The following RBFOX3 variants were observed in gnomAD, a reference collection of about 807,000 sequenced individuals.
The protein encoded by RBFOX3 is RNA binding fox-1 homolog 3.
Under a neutral mutation model 48.7 loss-of-function variants are expected in RBFOX3, and 17 were observed. That is an observed-to-expected ratio of 0.35 (90% CI 0.24 to 0.52). The LOEUF (loss-of-function observed/expected upper bound fraction) is 0.52. Among genes scored for constraint, RBFOX3 ranks in the 20% least tolerant of loss-of-function variants. RBFOX3 has a pLI of 0.94. For synonymous variants in RBFOX3, 212 were observed against 209.5 expected (o/e 1.01, Z -0.10); for missense variants, 382 against 497.5 (o/e 0.77, Z 2.21).
intron 2 of RBFOX3, among the ~76,000 whole-genome samples, chr17:79,444,290 G>A (rs868949443): frequency 7.2e-5 from 11 of 152,244 alleles, no homozygotes; most frequent in South Asian, 6.2e-4. Context: ...TGGGTTGGGG[G>A]CCAGCAAGAC....
intron 3 of RBFOX3, among the ~76,000 whole-genome samples, chr17:79,288,845 A>C (rs2072610214): frequency 6.6e-6 from 1 of 151,848 alleles, no homozygotes; most frequent in African/African-American, 2.4e-5. Context: ...CAGTGAGGTA[A>C]TAGGGAGAAG....
intron 4 of RBFOX3, among the ~76,000 whole-genome samples, chr17:79,139,937 C>G (rs1301648327): frequency 6.6e-6 from 1 of 152,138 alleles, no homozygotes. Flanking sequence ...CCGAGAGAAG[C>G]CAAATAAGTC....
rs1041024748 is a variant in RBFOX3 at position 79,473,724 on chromosome 17, C to T, written c.-175+8730G>A. Among the ~76,000 whole-genome samples, 68 of 152,304 alleles carry T rather than the reference C, an allele frequency of 4.5e-4. No individual in the cohort carries two copies. Among genetic ancestry groups the T allele is most frequent in the Middle Eastern group, 3.4e-3 (1 of 294 alleles). On this transcript the variant is annotated intron_variant, in intron 2 of 14. Transcript: ENST00000693108. The surrounding 1 kb of genome is among the most constrained non-coding windows in gnomAD (Gnocchi z 4.2). The stretch of plus-strand genomic sequence containing the variant: ...TCAGCAATGCTCAGCAATGCAAGGT[C>T]ACTCAGAAACACCATCTGTCCAAGC...
At chr17:79,449,230 A>G (rs1212565015) in intron 2 of RBFOX3, among the ~76,000 whole-genome samples, 3 of 152,074 alleles carry the variant, frequency 2.0e-5, no homozygotes, top group South Asian at 4.2e-4. Flanking sequence ...GAAGAAAATT[A>G]ACAATTACAG....
At chr17:79,493,068 C>A (rs1264884853) in intron 1 of RBFOX3, among the ~76,000 whole-genome samples, 2 of 152,044 alleles carry the variant, frequency 1.3e-5, no homozygotes, top group Non-Finnish European at 2.9e-5. Flanking sequence ...ACAGGAAGCA[C>A]CGTGTTGGCA....
chr17:79,574,797 C>T (rs1288681092), intron 1 of RBFOX3, among the ~76,000 whole-genome samples: 8 of 152,358 alleles, frequency 5.3e-5, no homozygotes, highest in African/African-American at 1.7e-4. Flanking sequence ...GCCACTGCCA[C>T]GCTGGTGCCA....
intron 2 of RBFOX3, among the ~76,000 whole-genome samples, chr17:79,469,347 C>T (rs1424409078): frequency 1.3e-5 from 2 of 152,200 alleles, no homozygotes; most frequent in Non-Finnish European, 2.9e-5. Context: ...CACTGGGGCC[C>T]CTTGGCCGCC....
Position 79,252,977 on chromosome 17 carries a change from C to T in RBFOX3, c.-73-17172G>A, listed in dbSNP as rs148011956. Among the ~76,000 whole-genome samples the T allele has an allele frequency of 6.6e-6, 1 of 152,306 alleles. No individual in the cohort carries two copies. Among genetic ancestry groups the T allele is most frequent in the East Asian group, 1.9e-4 (1 of 5,176 alleles). On this transcript the variant is annotated intron_variant, in intron 3 of 14. Transcript: ENST00000693108. This position sits in a 1 kb window ranked among gnomAD's most constrained non-coding sequence, Gnocchi z 4.0. Reference sequence around the variant, plus strand: ...CCGTCTACACTCAGCAAAGTCAAGTCCCTCTCTGAGCAGCCTCTGCTTCCC... The same window carrying T: ...CCGTCTACACTCAGCAAAGTCAAGTTCCTCTCTGAGCAGCCTCTGCTTCCC...
chr17:79,445,773 C>T (rs1438188485), intron 2 of RBFOX3, among the ~76,000 whole-genome samples: 5 of 152,210 alleles, frequency 3.3e-5, no homozygotes, highest in Admixed American at 2.0e-4. Flanking sequence ...TGTTTTATTG[C>T]TAGAACCTTC....
intron 1 of RBFOX3, among the ~76,000 whole-genome samples, chr17:79,606,893 T>C (rs2093843841): frequency 6.7e-6 from 1 of 149,954 alleles, no homozygotes; most frequent in South Asian, 2.1e-4. Context: ...GAAAAAAGAG[T>C]TGGGGAGAGG....
chr17:79,171,294 G>A (rs939333950), intron 4 of RBFOX3, among the ~76,000 whole-genome samples: 1 of 152,208 alleles, frequency 6.6e-6, no homozygotes, highest in Non-Finnish European at 1.5e-5. Flanking sequence ...GCGGCTGTTA[G>A]GAAACGTAAC....
At chr17:79,213,004 G>A (rs938678514) in intron 4 of RBFOX3, among the ~76,000 whole-genome samples, 7 of 151,214 alleles carry the variant, frequency 4.6e-5, no homozygotes, top group South Asian at 4.3e-4. Context: ...ACAGGCATGC[G>A]CCTGTAATGC....
At chr17:79,593,531 G>A (rs1469101033) in intron 1 of RBFOX3, among the ~76,000 whole-genome samples, 1 of 152,178 alleles carries the variant, frequency 6.6e-6, no homozygotes, top group East Asian at 1.9e-4. Flanking sequence ...TGGAGAAAGG[G>A]GCTGCCAGAG....
chr17:79,372,138 C>G (rs1485104056), intron 2 of RBFOX3, among the ~76,000 whole-genome samples: 1 of 152,084 alleles, frequency 6.6e-6, no homozygotes, highest in Non-Finnish European at 1.5e-5. Flanking sequence ...CTCAGCAATG[C>G]GCTGCCCGGT....
chr17:79,429,251 G>A, intron 2 of RBFOX3, among the ~76,000 whole-genome samples: 1 of 152,234 alleles, frequency 6.6e-6, no homozygotes, highest in South Asian at 2.1e-4. Flanking sequence ...TCTGTGAGGA[G>A]AGGCAGTGGC....
chr17:79,387,371 C>T (rs1475065281), intron 2 of RBFOX3, among the ~76,000 whole-genome samples: 1 of 152,198 alleles, frequency 6.6e-6, no homozygotes, highest in East Asian at 1.9e-4. Context: ...AGGCGTGAGT[C>T]AAAACATGAA....
At chr17:79,468,590 G>C (rs2076620425) in intron 2 of RBFOX3, among the ~76,000 whole-genome samples, 1 of 149,848 alleles carries the variant, frequency 6.7e-6, no homozygotes, top group South Asian at 2.2e-4. Context: ...ATGAATGAAT[G>C]GATGGATGGA....
At chr17:79,566,255 TC>T (rs2092449729) in intron 1 of RBFOX3, among the ~76,000 whole-genome samples, 1 of 152,178 alleles carries the variant, frequency 6.6e-6, no homozygotes, top group South Asian at 2.1e-4. Flanking sequence ...GAATGAGCCC[TC>T]CCTTTGCGTA....
At chr17:79,559,969 T>G in intron 1 of RBFOX3, among the ~76,000 whole-genome samples, 1 of 142,732 alleles carries the variant, frequency 7.0e-6, no homozygotes, top group Admixed American at 7.1e-5. Flanking sequence ...AATGGGTGGA[T>G]AGATGGATGG....
Sources: gnomAD v4.1 joint callset for allele counts (sites outside exome capture counted in the v4.1 genomes callset) on GRCh38, gnomAD v4.1.1 for gene constraint, Gnocchi (gnomAD v3.1) non-coding constraint, MANE v1.5 for transcripts, NCBI Gene and HGNC (gene_info 2026-07-23, HGNC 2026-07-21) for gene names.